The following DNAH7 variants were observed in gnomAD, a reference collection of about 807,000 sequenced individuals.
The protein encoded by DNAH7 is axonemal beta dynein heavy chain 7.
In DNAH7, 397 loss-of-function variants were observed where a neutral mutation model predicts 444.6. The ratio of observed to expected loss-of-function variants is 0.89; its 90% confidence interval spans 0.82 to 0.97. The LOEUF (loss-of-function observed/expected upper bound fraction) is 0.97. DNAH7 is among the 50% of genes least tolerant of loss of function. The pLI, the probability that DNAH7 is intolerant of heterozygous loss-of-function variation, is 0.00. For synonymous variants in DNAH7, 1,636 were observed against 1,624.4 expected, an observed-to-expected ratio of 1.01 and a Z score of -0.17; for missense variants, 4,902 against 4,800.8, an observed-to-expected ratio of 1.02 and a Z score of -0.62.
At chr2:195,857,929 T>G (rs1699801488) in intron 43 of DNAH7, among the ~76,000 whole-genome samples, 4 of 152,196 alleles carry the variant, frequency 2.6e-5, no homozygotes, top group Admixed American at 2.6e-4. Context: ...ATTTTAAAAA[T>G]CTATCTTCAT....
At chr2:195,936,300 G>C (rs951585734) in intron 20 of DNAH7, among the ~76,000 whole-genome samples, 1 of 152,148 alleles carries the variant, frequency 6.6e-6, no homozygotes, top group Non-Finnish European at 1.5e-5. Flanking sequence ...CTTGAACCTG[G>C]GAGGCGGAGG....
At position 195,743,744 on chromosome 2, in the gene DNAH7, G is replaced by A. The variant is rs149696967; in HGVS notation, c.11765-2875C>T. Among the ~76,000 whole-genome samples, 1,505 of 152,310 alleles carry A rather than the reference G, an allele frequency of 9.9e-3. 34 individuals carry two copies. Among genetic ancestry groups the A allele is most frequent in the African/African-American group, 0.034 (1,405 of 41,568 alleles). ...TAATTAGCTAAGTAGGAAGGAAAAA[G>A]CTAGGATGACAAAAAGGCTAATTTG... On this transcript the variant is annotated intron_variant, in intron 63 of 64. Coordinates refer to ENST00000312428, the MANE Select transcript of DNAH7 (RefSeq NM_018897.3).
At chr2:195,821,123 A>AAAG (rs1396217589) in intron 49 of DNAH7, among the ~76,000 whole-genome samples, 1 of 151,992 alleles carries the variant, frequency 6.6e-6, no homozygotes, top group Non-Finnish European at 1.5e-5. Flanking sequence ...TCTCCCTCCT[A>AAAG]AAGACAAGCA....
chr2:195,750,012 A>AAAAT (rs1001722691), intron 63 of DNAH7, among the ~76,000 whole-genome samples: 57 of 151,964 alleles, frequency 3.8e-4, no homozygotes, highest in Non-Finnish European at 5.4e-4. Context: ...ATAAAGAAAT[A>AAAAT]AAATAAATAA....
chr2:195,963,063 T>C (rs1293932688), intron 17 of DNAH7, among the ~76,000 whole-genome samples: 2 of 152,370 alleles, frequency 1.3e-5, no homozygotes, highest in East Asian at 3.9e-4. Flanking sequence ...TGAACAGTTC[T>C]GCAACAATCA....
At chr2:195,815,315 CCT>C (rs1340779503) in intron 51 of DNAH7, among the ~76,000 whole-genome samples, 1 of 151,970 alleles carries the variant, frequency 6.6e-6, no homozygotes, top group African/African-American at 2.4e-5. Flanking sequence ...TTACCTACTC[CCT>C]CTCTTTCTCA....
rs6434811 is a variant in DNAH7, at chr2:196,001,696, C to T, written c.1152G>A (p.Thr384=). The change falls in exon 11 of 65, where the codon ACG becomes ACA. Residue 384 remains threonine (T), a synonymous_variant. Transcript: ENST00000312428. ...DLTLVSMQDF[T]DLIAQPPDSV... is the part of the protein sequence containing the mutation. ...TTACTGGGGGTTGTGCAATTAAGTC[C>T]GTGAAATCTTGCATGGAGACTAAAG... 0.87 allele frequency: 1,373,128 copies of T among 1,577,548 alleles called. 612,613 individuals carry two copies. Among genetic ancestry groups the T allele is most frequent in the South Asian group, 0.92 (77,188 of 83,724 alleles).
chr2:195,915,091 G>C (rs982834880), intron 24 of DNAH7, among the ~76,000 whole-genome samples: 3 of 152,230 alleles, frequency 2.0e-5, no homozygotes, highest in Admixed American at 6.5e-5. Flanking sequence ...GCTGGGGAGA[G>C]AGAGAAAAAT....
intron 12 of DNAH7, among the ~76,000 whole-genome samples, chr2:195,988,892 T>G (rs144983928): frequency 6.6e-6 from 1 of 152,150 alleles, no homozygotes; most frequent in Admixed American, 6.6e-5. Flanking sequence ...TTTATTTCTA[T>G]GAGATCAACT....
Position 195,808,807 on chromosome 2 carries a change from A to G in DNAH7, c.9958T>C (p.Cys3320Arg). ...IGLDNPYANLCTWLPQKSWDE... is the reference protein window; with the variant it reads ...IGLDNPYANLRTWLPQKSWDE... ...CAGGATTTCTGAGGAAGCCATGTACAAAGGTTGGCATAAGGATTATCCAGT... is the reference window on the plus strand; with the variant it reads ...CAGGATTTCTGAGGAAGCCATGTACGAAGGTTGGCATAAGGATTATCCAGT... Residue 3320 changes from cysteine to arginine, a missense_variant, in exon 53 of 65, where the codon TGT (cysteine) becomes CGT (arginine). Physicochemically the swap from Cys to Arg is radical, Grantham distance 180. Coordinates refer to ENST00000312428, the MANE Select transcript of DNAH7 (RefSeq NM_018897.3). 1 of 1,614,006 alleles carries G rather than the reference A, an allele frequency of 6.2e-7. No homozygotes were observed. The highest frequency in any genetic ancestry group is 1.1e-5 in the South Asian group (1 of 91,068).
chr2:196,007,852 G>A (rs985835699), intron 10 of DNAH7, among the ~76,000 whole-genome samples: 3 of 152,022 alleles, frequency 2.0e-5, no homozygotes, highest in African/African-American at 7.2e-5. Context: ...CCCAGTCTCA[G>A]GTATGTCTTT....
chr2:195,799,363 G>A lies in DNAH7; in HGVS notation c.10286C>T (p.Pro3429Leu). 1.2e-6 allele frequency: 2 copies of A among 1,611,938 alleles called. No homozygotes were observed. Among genetic ancestry groups the A allele is most frequent in the Non-Finnish European group, 1.7e-6 (2 of 1,178,984 alleles). The change falls in exon 55 of 65, where the codon CCA becomes CTA. Residue 3429 changes from proline (P) to leucine (L), a missense_variant. Transcript: ENST00000312428. ...KAFGDSNCCA[P>L]LIFVLSPGAD... Reference sequence around the variant, plus strand: ...TCCAGGAGAGAGCACGAAAATCAGTGGTGCACAGCAGTTACTGTCTCCAAA... The same window carrying A: ...TCCAGGAGAGAGCACGAAAATCAGTAGTGCACAGCAGTTACTGTCTCCAAA...
Position 195,817,750 on chromosome 2 carries a change from G to T in DNAH7, c.9371C>A (p.Pro3124Gln). The T allele has an allele frequency of 2.5e-6, 4 of 1,613,134 alleles. No homozygotes were observed. Among genetic ancestry groups the T allele is most frequent in the Non-Finnish European group, 3.4e-6 (4 of 1,179,590 alleles). Residue 3124 changes from proline (P) to glutamine (Q), a missense_variant, in exon 50 of 65, where the codon CCA becomes CAA. Pro to Gln is a moderately conservative substitution (Grantham distance 76, BLOSUM62 -1). Coordinates refer to ENST00000312428, the MANE Select transcript of DNAH7 (RefSeq NM_018897.3). The part of the protein sequence containing the change: ...LLGIVVAQER[P>Q]DLEEEKQALI... ...GGCTTGCTTTTCTTCTTCAAGGTCT[G>T]GCCTTTCTTGTGCCACCACAATTCC...
At chr2:196,043,249 A>C (rs570452128) in intron 5 of DNAH7, among the ~76,000 whole-genome samples, 2 of 152,212 alleles carry the variant, frequency 1.3e-5, no homozygotes, top group South Asian at 4.1e-4. Flanking sequence ...GGGAAAAAAA[A>C]GCCTATCTGT....
Position 195,888,436 on chromosome 2 carries a change from T to C in DNAH7, c.5230-2A>G. 12 of 1,582,686 alleles carry C rather than the reference T, an allele frequency of 7.6e-6. No individual in the cohort carries two copies. The highest frequency in any genetic ancestry group is 1.0e-5 in the Non-Finnish European group (12 of 1,171,260). On this transcript the variant is annotated splice_acceptor_variant, in intron 32 of 64. Transcript: ENST00000312428. LOFTEE classifies it high-confidence loss of function. ...GTAAATCATGCCACATCTGGAAACC[T>C]GGAAAGCCATAATTGGTTACCATCA...
intron 33 of DNAH7, among the ~76,000 whole-genome samples, chr2:195,887,947 T>C (rs1335711586): frequency 6.6e-6 from 1 of 152,136 alleles, no homozygotes; most frequent in Non-Finnish European, 1.5e-5. Context: ...CTTTGGATAA[T>C]AAATAATATT....
At chr2:195,888,200 T>C in intron 33 of DNAH7, 58 bp downstream of exon 33, 1 of 1,376,116 alleles carries the variant, frequency 7.3e-7, no homozygotes, top group Non-Finnish European at 1.0e-6. Flanking sequence ...AATTGATATG[T>C]AAGTCTAATT....
At chr2:195,740,607 GTGTGTGTGTATA>G (rs1386431437) in intron 64 of DNAH7, among the ~76,000 whole-genome samples, 147 bp downstream of exon 64, 1,160 of 54,974 alleles carry the variant, frequency 0.021, 29 homozygotes, top group East Asian at 0.11. Flanking sequence ...GTGTGTGTGT[GTGTGTGTGTATA>G]TATATATATA....
intron 36 of DNAH7, among the ~76,000 whole-genome samples, chr2:195,879,383 T>C (rs949020166): frequency 2.6e-5 from 4 of 152,246 alleles, no homozygotes; most frequent in East Asian, 1.9e-4. Context: ...ACGTCATATA[T>C]AGAGATAAAA....
Sources: allele counts gnomAD v4.1 joint callset (sites outside exome capture counted in the v4.1 genomes callset), GRCh38; gene constraint gnomAD v4.1.1; transcripts MANE v1.5; gene names NCBI Gene and HGNC (gene_info 2026-07-23, HGNC 2026-07-21).